The following RALY variants were observed in gnomAD, a reference collection of about 807,000 sequenced individuals.
RALY encodes the protein RNA-binding protein Raly.
A neutral mutation model predicts 30.7 loss-of-function variants in RALY; 15 were observed. The observed-to-expected ratio is 0.49, with a 90% confidence interval of 0.33 to 0.75. The LOEUF is 0.75. Ranked by LOEUF, RALY falls within the 30% of genes least tolerant of loss-of-function variation. The pLI, the probability that RALY is intolerant of heterozygous loss-of-function variation, is 0.02. For synonymous variants in RALY, 177 were observed against 170.8 expected, an observed-to-expected ratio of 1.04 and a Z score of -0.28; for missense variants, 339 against 414.3, an observed-to-expected ratio of 0.82 and a Z score of 1.58.
intron 2 of RALY, among the ~76,000 whole-genome samples, chr20:34,038,465 T>C (rs987582878): frequency 2.0e-5 from 3 of 152,222 alleles, no homozygotes; most frequent in Non-Finnish European, 2.9e-5. Flanking sequence ...AAAGCTACTT[T>C]ACCCCATTAA....
intron 2 of RALY, chr20:34,065,259 T>G (rs1368501537): frequency 6.6e-6 from 1 of 152,234 alleles, no homozygotes; most frequent in East Asian, 1.9e-4. Flanking sequence ...TTCACATCAA[T>G]TAGCCTATTT....
intron 2 of RALY, among the ~76,000 whole-genome samples, chr20:34,037,762 CTG>C (rs2032553200): frequency 6.6e-6 from 1 of 152,184 alleles, no homozygotes; most frequent in Non-Finnish European, 1.5e-5. Context: ...GGGATAGAGT[CTG>C]AGAAGGTCTA....
intron 1 of RALY, chr20:34,029,785 T>A (rs1308341676): frequency 2.6e-5 from 4 of 152,336 alleles, no homozygotes; most frequent in Non-Finnish European, 5.9e-5. Context: ...AGAGATCCTT[T>A]GGTTCCTTGT....
intron 2 of RALY, among the ~76,000 whole-genome samples, chr20:34,059,919 G>A (rs1473789950): frequency 6.6e-6 from 1 of 152,204 alleles, no homozygotes; most frequent in Non-Finnish European, 1.5e-5. Flanking sequence ...AGGAGGCCTT[G>A]GTGGGAACCT....
At chr20:34,026,982 G>T (rs1210078949) in intron 1 of RALY, among the ~76,000 whole-genome samples, 1 of 152,108 alleles carries the variant, frequency 6.6e-6, no homozygotes, top group African/African-American at 2.4e-5. Context: ...CACAGAGCCT[G>T]GCAGGTAGTT....
At chr20:34,072,416 C>G (rs1248030425) in intron 3 of RALY, 86 bp downstream of exon 3, 1 of 1,451,550 alleles carries the variant, frequency 6.9e-7, no homozygotes, top group African/African-American at 1.4e-5. Flanking sequence ...CTCTCTTTCT[C>G]TCACCGCTAC....
rs770980640 is a variant in RALY, at chr20:34,077,010, C to G, written c.659-18C>G. 29 of 1,610,280 alleles carry G rather than the reference C, an allele frequency of 1.8e-5. No homozygotes were observed. Among genetic ancestry groups the G allele is most frequent in the Non-Finnish European group, 2.4e-5 (28 of 1,179,046 alleles). On this transcript the variant is annotated intron_variant, in intron 7 of 9. Transcript: ENST00000246194. ...AGGCTGAGTTTTATTCTCCCCTCCTCCACCCCTTCCCCTCAAGATGGCAAG... is the reference window on the plus strand; with the variant it reads ...AGGCTGAGTTTTATTCTCCCCTCCTGCACCCCTTCCCCTCAAGATGGCAAG...
chr20:34,022,071 C>CTTTT, intron 1 of RALY, among the ~76,000 whole-genome samples: 1 of 149,792 alleles, frequency 6.7e-6, no homozygotes, highest in South Asian at 2.1e-4. Context: ...TCTTTCTTTC[C>CTTTT]TTTTTTCTTT....
intron 1 of RALY, chr20:34,016,453 C>T (rs920540336): frequency 1.3e-5 from 2 of 152,174 alleles, no homozygotes; most frequent in African/African-American, 4.8e-5. Context: ...AGGTGATCCC[C>T]ATACTTAGCA....
intron 2 of RALY, among the ~76,000 whole-genome samples, chr20:34,056,245 T>C (rs981445834): frequency 4.6e-5 from 7 of 152,230 alleles, no homozygotes; most frequent in African/African-American, 1.2e-4. Context: ...ACTTTCCTTA[T>C]GCTATTTCCT....
At chr20:34,057,511 C>CA (rs1344137777) in intron 2 of RALY, among the ~76,000 whole-genome samples, 1 of 151,786 alleles carries the variant, frequency 6.6e-6, no homozygotes, top group Non-Finnish European at 1.5e-5. Flanking sequence ...ACTGAAAATA[C>CA]AAAAAATTAG....
intron 1 of RALY, among the ~76,000 whole-genome samples, chr20:34,030,858 CCT>C (rs1385699671): frequency 6.6e-6 from 1 of 152,170 alleles, no homozygotes; most frequent in Non-Finnish European, 1.5e-5. Flanking sequence ...AACACTCTTC[CCT>C]CAGATCTTTT....
At chr20:34,066,559 ATTTG>A (rs942784024) in intron 2 of RALY, among the ~76,000 whole-genome samples, 3 of 151,982 alleles carry the variant, frequency 2.0e-5, no homozygotes, top group African/African-American at 7.3e-5. Context: ...TGGGCCTCTT[ATTTG>A]TTTATTTTGT....
intron 1 of RALY, among the ~76,000 whole-genome samples, chr20:33,999,841 G>A (rs1476116979): frequency 1.3e-5 from 2 of 152,058 alleles, no homozygotes; most frequent in Admixed American, 6.5e-5. Flanking sequence ...GTGTGCTCCA[G>A]TCTTTTTCTC....
intron 1 of RALY, among the ~76,000 whole-genome samples, chr20:34,000,423 C>T (rs938084429): frequency 6.6e-6 from 1 of 152,170 alleles, no homozygotes; most frequent in Non-Finnish European, 1.5e-5. Flanking sequence ...TCTCACTTCT[C>T]CCCTCTCTTC....
chr20:34,043,687 G>C (rs893207329), intron 2 of RALY, among the ~76,000 whole-genome samples: 1 of 152,164 alleles, frequency 6.6e-6, no homozygotes, highest in African/African-American at 2.4e-5. Flanking sequence ...AGGAATATTA[G>C]AGAAACCATC....
At chr20:34,007,528 AC>A (rs1159006270) in intron 1 of RALY, among the ~76,000 whole-genome samples, 3 of 151,132 alleles carry the variant, frequency 2.0e-5, no homozygotes, top group African/African-American at 7.3e-5. Flanking sequence ...CTCAAAAAAA[AC>A]AAAACAAAAG....
chr20:34,056,323 T>TA (rs773059789), intron 2 of RALY, among the ~76,000 whole-genome samples: 1 of 152,230 alleles, frequency 6.6e-6, no homozygotes. Context: ...GATTGGAACT[T>TA]ACTGTTGACT....
chr20:34,057,464 G>T (rs954716105), intron 2 of RALY, among the ~76,000 whole-genome samples: 1 of 152,058 alleles, frequency 6.6e-6, no homozygotes, highest in African/African-American at 2.4e-5. Context: ...TCAGGAGATC[G>T]AGACCATCCT....
Sources: gnomAD v4.1 joint callset for allele counts (sites outside exome capture counted in the v4.1 genomes callset) on GRCh38, gnomAD v4.1.1 for gene constraint, MANE v1.5 for transcripts, NCBI Gene and HGNC (gene_info 2026-07-23, HGNC 2026-07-21) for gene names.